Variants in GRIN2B observed in about 807,000 individuals in gnomAD.
GRIN2B encodes the protein glutamate ionotropic receptor NMDA type subunit 2B.
In GRIN2B, 5 loss-of-function variants were observed where a neutral mutation model predicts 114.5. That is an observed-to-expected ratio of 0.04 (90% CI 0.02 to 0.09). The LOEUF is 0.09. Among genes scored for constraint, GRIN2B ranks in the 10% least tolerant of loss-of-function variants. The pLI is 1.00. For missense variants in GRIN2B, 1,108 were observed against 1,943.5 expected (o/e 0.57, Z 8.08); for synonymous variants, 787 against 745.1 (o/e 1.06, Z -0.92).
At chr12:13,835,782 A>G (rs1029892743) in intron 3 of GRIN2B, among the ~76,000 whole-genome samples, 2 of 151,360 alleles carry the variant, frequency 1.3e-5, no homozygotes, top group South Asian at 2.1e-4. Flanking sequence ...AAAAAAAAAA[A>G]AAAAAAAAAA....
chr12:13,616,467 C>T lies in GRIN2B; in HGVS notation c.1316G>A (p.Arg439His), dbSNP rs752720799. 9.9e-6 allele frequency: 16 copies of T among 1,612,702 alleles called. No homozygotes were observed. Among genetic ancestry groups the T allele is most frequent in the East Asian group, 2.2e-5 (1 of 44,884 alleles). Reference protein sequence around the residue: ...CMRNTVPCQKRIVTENKTDEE... With the variant: ...CMRNTVPCQKHIVTENKTDEE... ...GAGGATGCCATACTCAGTGACTATG[C>T]GTTTTTGGCAGGGGACTGTGTTCCT... The change falls in exon 6 of 14, where the codon CGC becomes CAC. Residue 439 changes from arginine to histidine, a missense_variant. By Grantham distance (29) the Arg-to-His change is conservative. Around this residue, in one of 19 missense-constraint regions of GRIN2B, gnomAD observed 26 missense variants for 23.5 expected, o/e 1.11. Transcript: ENST00000609686.
chr12:13,799,869 G>A (rs763847566), intron 3 of GRIN2B, among the ~76,000 whole-genome samples: 3 of 152,236 alleles, frequency 2.0e-5, no homozygotes, highest in Non-Finnish European at 2.9e-5. Flanking sequence ...CTGCTAGGCA[G>A]GGCAGGGAGA....
chr12:13,576,387 A>G (rs1047086066), intron 10 of GRIN2B, among the ~76,000 whole-genome samples: 2 of 152,236 alleles, frequency 1.3e-5, no homozygotes, highest in African/African-American at 2.4e-5. Context: ...GTCAAGAACC[A>G]GAATGTCTTA....
intron 3 of GRIN2B, among the ~76,000 whole-genome samples, chr12:13,826,923 C>A (rs1281620165): frequency 6.6e-6 from 1 of 150,894 alleles, no homozygotes; most frequent in African/African-American, 2.4e-5. Context: ...CTTTTTTTTT[C>A]CTCTGAAAGC....
At chr12:13,636,618 A>G (rs1472402102) in intron 5 of GRIN2B, among the ~76,000 whole-genome samples, 2 of 152,110 alleles carry the variant, frequency 1.3e-5, no homozygotes, top group Non-Finnish European at 2.9e-5. Context: ...TTGGGTTGAG[A>G]GAAAGAGAGA....
chr12:13,723,771 C>T (rs1862925088), intron 4 of GRIN2B, among the ~76,000 whole-genome samples: 1 of 152,036 alleles, frequency 6.6e-6, no homozygotes, highest in African/African-American at 2.4e-5. Flanking sequence ...TTGAAAAATA[C>T]ATGAGCAGTT....
intron 5 of GRIN2B, among the ~76,000 whole-genome samples, chr12:13,669,061 C>A (rs1048935710): frequency 6.6e-6 from 1 of 151,460 alleles, no homozygotes; most frequent in Non-Finnish European, 1.5e-5. Context: ...ATTTAGTTCA[C>A]GCATTGTTGC....
chr12:13,933,950 A>G (rs914269643), intron 2 of GRIN2B, among the ~76,000 whole-genome samples: 2 of 152,178 alleles, frequency 1.3e-5, no homozygotes, highest in African/African-American at 4.8e-5. Context: ...TCTTCTGCTC[A>G]CCACCAACCT....
rs1268411265 is a variant in GRIN2B, at chr12:13,670,745, T to C, written c.1125+5000A>G. Among the ~76,000 whole-genome samples, 7 of 152,186 alleles carry C rather than the reference T, an allele frequency of 4.6e-5. No individual in the cohort carries two copies. In the East Asian group the frequency reaches 5.8e-4, roughly 13 times the overall value. On this transcript the variant is annotated intron_variant, in intron 5 of 13. Transcript: ENST00000609686. ...ACCCTTTCCAACTCACCATGCTATG[T>C]CTGCATGCATATGTGTGTGTAAAAT...
Position 13,557,264 on chromosome 12 carries a change from G to A in GRIN2B, c.*5519C>T, listed in dbSNP as rs1165868935. 6.6e-6 allele frequency: 1 copy of A among 152,116 alleles called. No individual in the cohort carries two copies. The highest frequency in any genetic ancestry group is 1.5e-5 in the Non-Finnish European group (1 of 68,026). The allele number at this position is 152,116 out of a possible 1,614,324, so 9.4% of individuals were successfully genotyped here. On this transcript the variant is annotated 3_prime_UTR_variant, in exon 14 of 14. Transcript: ENST00000609686. ...TCAGACTGACTAATCTGCCATTTTA[G>A]TGTCATCCCAAACATCTGCTAGGCC...
At chr12:13,569,444 G>A (rs1948679576) in intron 12 of GRIN2B, among the ~76,000 whole-genome samples, 1 of 152,172 alleles carries the variant, frequency 6.6e-6, no homozygotes, top group Non-Finnish European at 1.5e-5. Flanking sequence ...AACACCATGT[G>A]AACATGAATC....
At chr12:13,675,641 AC>A in intron 5 of GRIN2B, 103 bp downstream of exon 5, 3 of 776,152 alleles carry the variant, frequency 3.9e-6, no homozygotes, top group Non-Finnish European at 7.1e-6. Flanking sequence ...CCCTTGCTCC[AC>A]AGGTCTAGGG....
intron 10 of GRIN2B, among the ~76,000 whole-genome samples, chr12:13,591,402 A>T (rs779959291): frequency 2.0e-5 from 3 of 152,218 alleles, no homozygotes; most frequent in Non-Finnish European, 2.9e-5. Flanking sequence ...AGCATGCTTG[A>T]GGCACTCTTC....
chr12:13,871,531 T>G (rs1181670945), intron 2 of GRIN2B, among the ~76,000 whole-genome samples: 1 of 151,860 alleles, frequency 6.6e-6, no homozygotes, highest in African/African-American at 2.4e-5. Context: ...AAATACACTT[T>G]TAAATACATT....
intron 5 of GRIN2B, among the ~76,000 whole-genome samples, chr12:13,621,930 CTG>C (rs976851395): frequency 6.6e-6 from 1 of 152,076 alleles, no homozygotes; most frequent in African/African-American, 2.4e-5. Context: ...ACCACAGAGA[CTG>C]TGTTCCTCTC....
In GRIN2B at chr12:13,559,072, T is replaced by C. The variant is rs1339749587; in HGVS notation, c.*3711A>G. On this transcript the variant is annotated 3_prime_UTR_variant, in exon 14 of 14. Transcript: ENST00000609686. The stretch of plus-strand genomic sequence containing the variant: ...ACAGTTTTGGATGGATTGGGTGTTG[T>C]TTCATACCCATCTGTGATATAGATT... 2 of 152,320 alleles carry C rather than the reference T, an allele frequency of 1.3e-5. No homozygotes were observed. Among genetic ancestry groups the C allele is most frequent in the Non-Finnish European group, 2.9e-5 (2 of 68,026 alleles). 9.4% of individuals were successfully genotyped at this position (152,320 alleles called of 1,614,324 possible).
chr12:13,853,475 C>A (rs148664030), intron 3 of GRIN2B, among the ~76,000 whole-genome samples: 140 of 152,318 alleles, frequency 9.2e-4, no homozygotes, highest in African/African-American at 3.3e-3. Context: ...AAAACTGTTT[C>A]TTTCTGCTCA....
intron 2 of GRIN2B, among the ~76,000 whole-genome samples, chr12:13,914,746 A>T (rs1365955244): frequency 6.6e-6 from 1 of 152,220 alleles, no homozygotes; most frequent in African/African-American, 2.4e-5. Context: ...CAATCATAAA[A>T]AATGAAGTCC....
Position 13,544,417 on chromosome 12 carries a change from C to T in GRIN2B, c.*18366G>A, listed in dbSNP as rs939063977. 4 of 152,238 alleles carry T rather than the reference C, an allele frequency of 2.6e-5. No individual in the cohort carries two copies. The highest frequency in any genetic ancestry group is 9.6e-5 in the African/African-American group (4 of 41,456). 9.4% of individuals were successfully genotyped at this position (152,238 alleles called of 1,614,324 possible). ...TAGAGAATCCTCTTCTGTCGCTACT[C>T]ATTCTCTAGTTCCAGTATCATGGCT... On this transcript the variant is annotated 3_prime_UTR_variant, in exon 14 of 14. Coordinates refer to ENST00000609686, the MANE Select transcript of GRIN2B (RefSeq NM_000834.5).
Sources: gnomAD v4.1 joint callset for allele counts (sites outside exome capture counted in the v4.1 genomes callset) on GRCh38, gnomAD v4.1.1 for gene constraint, gnomAD v4.1.1 regional missense constraint, MANE v1.5 for transcripts, NCBI Gene and HGNC (gene_info 2026-07-23, HGNC 2026-07-21) for gene names.